Variants in CENPK observed in about 807,000 individuals in gnomAD.
CENPK encodes the protein SoxLZ/Sox6-binding protein Solt.
Under a neutral mutation model 40.9 loss-of-function variants are expected in CENPK, and 46 were observed. The observed-to-expected ratio is 1.13, with a 90% CI of 0.89 to 1.44. The LOEUF is 1.44. Among genes scored for constraint, CENPK ranks in the 40% most tolerant of loss-of-function variants. The pLI, the probability that CENPK is intolerant of heterozygous loss-of-function variation, is 0.00. For missense variants in CENPK, 288 were observed against 303.5 expected, an observed-to-expected ratio of 0.95 and a Z score of 0.38; for synonymous variants, 107 against 104.4, an observed-to-expected ratio of 1.02 and a Z score of -0.15.
chr5:65,530,935 A>C (rs963373441), intron 6 of CENPK, among the ~76,000 whole-genome samples: 6 of 152,140 alleles, frequency 3.9e-5, no homozygotes, highest in Admixed American at 3.3e-4. Context: ...AACAACAACA[A>C]CACACACAAT....
chr5:65,504,279 A>C, the CENPK span, among the ~76,000 whole-genome samples: 509 of 151,904 alleles, frequency 3.4e-3, 4 homozygotes, highest in African/African-American at 0.012. Context: ...TAACATGGTG[A>C]AACCCCATCT....
rs1441198434 is a variant in CENPK, at chr5:65,552,344, AG to A, written c.168+148del. 1.1e-5 allele frequency: 5 copies of A among 450,808 alleles called. No individual in the cohort carries two copies. The Admixed American group carries it at 2.1e-4, about 19-fold the overall frequency. 27.9% of individuals were successfully genotyped at this position (450,808 alleles called of 1,614,324 possible). On this transcript the variant is annotated intron_variant, in intron 4 of 10. Coordinates refer to ENST00000396679, the MANE Select transcript of CENPK (RefSeq NM_022145.5). ...AGAATATTCTTTCAATTCTTAAAGC[AG>A]GAAGAGTAAGAAGTTTTCCAAATGA...
At chr5:65,556,928 C>G (rs1199160597) in intron 2 of CENPK, among the ~76,000 whole-genome samples, 2 of 152,214 alleles carry the variant, frequency 1.3e-5, no homozygotes, top group African/African-American at 2.4e-5. Context: ...GTTATACCAT[C>G]TAGGTTTGTG....
chr5:65,547,201 T>G (rs1234162219), intron 5 of CENPK, among the ~76,000 whole-genome samples: 1 of 152,062 alleles, frequency 6.6e-6, no homozygotes, highest in African/African-American at 2.4e-5. Flanking sequence ...GAGATCAGCC[T>G]GGCCAACATG....
chr5:65,543,343 TTTTTC>T (rs1174334334), intron 5 of CENPK, among the ~76,000 whole-genome samples: 20 of 152,340 alleles, frequency 1.3e-4, no homozygotes, highest in African/African-American at 4.1e-4. Context: ...GTTTAGTGCC[TTTTTC>T]TTTTCTTCTT....
At chr5:65,543,120 T>C (rs1411568056) in intron 5 of CENPK, among the ~76,000 whole-genome samples, 1 of 152,252 alleles carries the variant, frequency 6.6e-6, no homozygotes, top group South Asian at 2.1e-4. Context: ...TCCACCAACA[T>C]GCCTGGCTAA....
At chr5:65,527,689 T>C in intron 9 of CENPK, among the ~76,000 whole-genome samples, 1 of 151,908 alleles carries the variant, frequency 6.6e-6, no homozygotes. Context: ...ATCATTCTTT[T>C]GATTTAAAAA....
At chr5:65,511,494 A>C in the CENPK span, among the ~76,000 whole-genome samples, 71 of 152,312 alleles carry the variant, frequency 4.7e-4, no homozygotes, top group African/African-American at 1.7e-3. Flanking sequence ...GGTGACCTTA[A>C]GTTAAAACCA....
At chr5:65,499,528 T>G in the CENPK span, among the ~76,000 whole-genome samples, 1 of 151,984 alleles carries the variant, frequency 6.6e-6, no homozygotes, top group South Asian at 2.1e-4. Flanking sequence ...GAGCTGGGGT[T>G]CTCTCAGCTT....
the CENPK span, among the ~76,000 whole-genome samples, chr5:65,502,966 T>C: frequency 1.3e-5 from 2 of 151,402 alleles, no homozygotes; most frequent in East Asian, 3.9e-4. Context: ...GCCTGGCTAA[T>C]TTTTGTATTT....
chr5:65,526,955 C>T (rs2007877), intron 9 of CENPK, among the ~76,000 whole-genome samples: 61,740 of 151,646 alleles, frequency 0.41, 12,914 homozygotes, highest in East Asian at 0.65. Flanking sequence ...TAACTGGGTG[C>T]GGTGGCACGC....
the CENPK span, among the ~76,000 whole-genome samples, chr5:65,503,369 A>G: frequency 1.3e-5 from 2 of 152,110 alleles, no homozygotes; most frequent in East Asian, 3.9e-4. Context: ...GGCCTCCCAG[A>G]GTGCTGTTCT....
chr5:65,496,889 T>A, the CENPK span, among the ~76,000 whole-genome samples: 1 of 150,544 alleles, frequency 6.6e-6, no homozygotes, highest in South Asian at 2.1e-4. Flanking sequence ...CCATCTCTAC[T>A]AAAAAAAATA....
chr5:65,555,885 T>A (rs1047691971), intron 2 of CENPK, among the ~76,000 whole-genome samples: 15 of 152,358 alleles, frequency 9.8e-5, no homozygotes, highest in Admixed American at 6.5e-4. Flanking sequence ...GAGCTGCTGA[T>A]TAAGCAATTA....
At position 65,551,203 on chromosome 5, in the gene CENPK, T is replaced by C. The variant is rs1288894331; in HGVS notation, c.241+361A>G. 1.0e-5 allele frequency: 4 copies of C among 388,026 alleles called. No homozygotes were observed. The East Asian group carries it at 3.2e-4, about 31-fold the overall frequency. The allele number at this position is 388,026 out of a possible 1,614,324, so 24.0% of individuals were successfully genotyped here. Reference sequence around the variant, plus strand: ...AGATCGGGGCTGCAATGAGCCATGATTGTGCCACTGTACTCCAGCCTGGAC... The same window carrying C: ...AGATCGGGGCTGCAATGAGCCATGACTGTGCCACTGTACTCCAGCCTGGAC... On this transcript the variant is annotated intron_variant, in intron 5 of 10. Coordinates refer to ENST00000396679, the MANE Select transcript of CENPK (RefSeq NM_022145.5).
chr5:65,527,498 C>CATATAT (rs70983674), intron 9 of CENPK, among the ~76,000 whole-genome samples: 2 of 91,722 alleles, frequency 2.2e-5, no homozygotes, highest in Non-Finnish European at 2.1e-5. Context: ...TTATTAACAC[C>CATATAT]ATATATATAT....
At chr5:65,562,304 G>C (rs1188158803) in intron 1 of CENPK, among the ~76,000 whole-genome samples, 1 of 152,180 alleles carries the variant, frequency 6.6e-6, no homozygotes, top group Non-Finnish European at 1.5e-5. Context: ...AGGGAAATTT[G>C]TGAGACACAA....
chr5:65,528,378 A>G lies in CENPK; in HGVS notation c.597+74T>C, dbSNP rs565655873. ...TGTGCATACCTTTGAACTAAATAAGAAAATATGCTTCTAAACCCACCTAAA... is the reference window on the plus strand; with the variant it reads ...TGTGCATACCTTTGAACTAAATAAGGAAATATGCTTCTAAACCCACCTAAA... On this transcript the variant is annotated intron_variant, in intron 9 of 10. Coordinates refer to ENST00000396679, the MANE Select transcript of CENPK (RefSeq NM_022145.5). 5.1e-4 allele frequency: 721 copies of G among 1,403,854 alleles called. 3 individuals are homozygous for G. In the Middle Eastern group the frequency reaches 6.2e-3, roughly 12 times the overall value. The allele number at this position is 1,403,854 out of a possible 1,614,324, so 87.0% of individuals were successfully genotyped here.
chr5:65,532,925 A>AC (rs1443013688), intron 6 of CENPK, among the ~76,000 whole-genome samples: 6 of 150,830 alleles, frequency 4.0e-5, no homozygotes, highest in African/African-American at 1.5e-4. Flanking sequence ...AAAAAAAAAA[A>AC]AAAAAAAAAA....
Sources: allele counts gnomAD v4.1 joint callset (sites outside exome capture counted in the v4.1 genomes callset), GRCh38; gene constraint gnomAD v4.1.1; transcripts MANE v1.5; gene names NCBI Gene and HGNC (gene_info 2026-07-23, HGNC 2026-07-21).